TFAP4: variants seen among roughly 807,000 people sequenced by gnomAD.
TFAP4 encodes transcription factor AP-4, also known as activating enhancer-binding protein 4.
TFAP4 carries 7 observed loss-of-function variants against 40.4 expected under a neutral mutation model. That is an observed-to-expected ratio of 0.17 (90% CI 0.10 to 0.33). The LOEUF (loss-of-function observed/expected upper bound fraction) is 0.33, where lower values mean the gene tolerates loss of function less well. Ranked by LOEUF, TFAP4 falls within the 10% of genes least tolerant of loss-of-function variation. TFAP4 has a pLI of 1.00. For synonymous variants in TFAP4, 218 were observed against 181.4 expected (o/e 1.20, Z -1.62); for missense variants, 374 against 451.1 (o/e 0.83, Z 1.55).
chr16:4,260,682 G>A (rs922870769), intron 4 of TFAP4, 87 bp from the exon 5 acceptor site: 102 of 1,449,864 alleles, frequency 7.0e-5, no homozygotes, highest in Non-Finnish European at 9.2e-5. Context: ...CACTCCTGCT[G>A]AAAACCCTAG....
chr16:4,260,467 C>A lies in TFAP4; in HGVS notation c.654G>T (p.Gln218His), dbSNP rs251732. ...GCCTCCTGCTCACCTGGGTCCGCAG[C>A]TGCTGCTGTTCCCGCTCCAGCTTCT... The part of the protein sequence containing the change: ...HQEKLEREQQ[Q>H]LRTQLLPPPA... The change falls in exon 5 of 7, where the codon CAG (glutamine) becomes CAT (histidine). Residue 218 changes from glutamine (Q) to histidine (H), a missense_variant. By Grantham distance (24) the Gln-to-His change is conservative. Around this residue, in one of 6 missense-constraint regions of TFAP4, gnomAD observed 161 missense variants for 154.2 expected, o/e 1.04. Transcript: ENST00000204517. 1.7e-5 allele frequency: 27 copies of A among 1,593,258 alleles called. 1 individual carries two copies. The Admixed American group carries it at 4.2e-4, about 25-fold the overall frequency.
At chr16:4,271,701 G>A (rs1459266487) in intron 1 of TFAP4, among the ~76,000 whole-genome samples, 1 of 152,178 alleles carries the variant, frequency 6.6e-6, no homozygotes, top group Non-Finnish European at 1.5e-5. Context: ...CAGGGGGGAG[G>A]GGCGTTGGAT....
At chr16:4,269,386 G>C (rs1169645533) in intron 1 of TFAP4, among the ~76,000 whole-genome samples, 1 of 150,782 alleles carries the variant, frequency 6.6e-6, no homozygotes, top group Non-Finnish European at 1.5e-5. Flanking sequence ...CCAGCTACTC[G>C]GGAGGCTGAG....
rs80228979 is a variant in TFAP4 at position 4,271,034 on chromosome 16, A to T, written c.89+1624T>A. ...TTCTAGCAAAGTGAGTCCCCAGAAC[A>T]TAAAAAGAGCTCAAGAATTTTTTTT... On this transcript the variant is annotated intron_variant, in intron 1 of 6. Transcript: ENST00000204517. 7.5e-3 allele frequency among the ~76,000 whole-genome samples: 1,146 copies of T among 152,382 alleles called. 14 individuals are homozygous for T. Among genetic ancestry groups the T allele is most frequent in the African/African-American group, 0.026 (1,067 of 41,590 alleles).
Position 4,260,200 on chromosome 16 carries a change from G to A in TFAP4, c.712C>T (p.Pro238Ser). ...APTHHPTVIV[P>S]APPPPPSHHI... ...TGGGAGGGAGGAGGAGGCGGTGCTG[G>A]CACGATCACCGTGGGGTGGTGGGTG... The change falls in exon 6 of 7, where the codon CCA becomes TCA. Residue 238 changes from proline (P) to serine (S), a missense_variant. Around this residue, in one of 6 missense-constraint regions of TFAP4, gnomAD observed 161 missense variants for 154.2 expected, o/e 1.04. Coordinates refer to ENST00000204517, the MANE Select transcript of TFAP4 (RefSeq NM_003223.3). 1 of 655,008 alleles carries A rather than the reference G, an allele frequency of 1.5e-6. No individual in the cohort carries two copies. The allele number at this position is 655,008 out of a possible 1,614,324, so 40.6% of individuals were successfully genotyped here. A position where few individuals can be genotyped will look rare whatever the true frequency, so the allele number is the denominator to read the frequency against.
At chr16:4,272,378 T>C (rs1332131823) in intron 1 of TFAP4, among the ~76,000 whole-genome samples, 2 of 152,028 alleles carry the variant, frequency 1.3e-5, no homozygotes, top group Non-Finnish European at 2.9e-5. Flanking sequence ...CCGGGACTGC[T>C]GCAGAACCAC....
chr16:4,259,863 C>T (rs1410283486), intron 6 of TFAP4, among the ~76,000 whole-genome samples: 4 of 152,240 alleles, frequency 2.6e-5, no homozygotes, highest in Non-Finnish European at 5.9e-5. Flanking sequence ...GGACAGTCTT[C>T]CTGGCCAACT....
chr16:4,272,634 G>A, intron 1 of TFAP4, 24 bp downstream of exon 1: 1 of 1,586,760 alleles, frequency 6.3e-7, no homozygotes, highest in Non-Finnish European at 8.6e-7. Context: ...GTAGGAAGGG[G>A]GTGGGGGGAG....
In TFAP4 at chr16:4,272,518, G is replaced by C. The variant is rs2043458133; in HGVS notation, c.89+140C>G. 6 of 569,618 alleles carry C rather than the reference G, an allele frequency of 1.1e-5. No homozygotes were observed. In the South Asian group the frequency reaches 1.8e-4, roughly 17 times the overall value. 35.3% of individuals were successfully genotyped at this position (569,618 alleles called of 1,614,324 possible). A position where few individuals can be genotyped will look rare whatever the true frequency, so the allele number is the denominator to read the frequency against. ...GGGGCGGCGCGGACCCGGCGTGTGGGGCTGCAGCCGTCCCGGCAGCTAAGA... is the reference window on the plus strand; with the variant it reads ...GGGGCGGCGCGGACCCGGCGTGTGGCGCTGCAGCCGTCCCGGCAGCTAAGA... On this transcript the variant is annotated intron_variant, in intron 1 of 6. Transcript: ENST00000204517.
chr16:4,259,112 T>G (rs1423293250), intron 6 of TFAP4, among the ~76,000 whole-genome samples: 1 of 151,622 alleles, frequency 6.6e-6, no homozygotes, highest in Non-Finnish European at 1.5e-5. Context: ...AAAAAAGAAA[T>G]AATATGGACC....
At chr16:4,269,903 G>C (rs984843176) in intron 1 of TFAP4, among the ~76,000 whole-genome samples, 2 of 152,162 alleles carry the variant, frequency 1.3e-5, no homozygotes, top group Non-Finnish European at 2.9e-5. Context: ...CTCAGTGGCT[G>C]GGCGCAGTTG....
At chr16:4,270,915 G>C (rs1021611670) in intron 1 of TFAP4, among the ~76,000 whole-genome samples, 12 of 152,228 alleles carry the variant, frequency 7.9e-5, no homozygotes, top group East Asian at 1.9e-4. Flanking sequence ...ACCTGCTGTA[G>C]TGGTCCCTTC....
chr16:4,259,167 C>T (rs143299976), intron 6 of TFAP4, among the ~76,000 whole-genome samples: 21 of 152,064 alleles, frequency 1.4e-4, no homozygotes, highest in African/African-American at 4.3e-4. Flanking sequence ...AGAGTCTCAC[C>T]GTGTCACCCA....
intron 1 of TFAP4, among the ~76,000 whole-genome samples, chr16:4,271,779 G>A (rs894028350): frequency 1.3e-5 from 2 of 152,184 alleles, no homozygotes; most frequent in African/African-American, 2.4e-5. Flanking sequence ...GCGGCCTCAG[G>A]TGTCCCTTCC....
At position 4,258,617 on chromosome 16, in the gene TFAP4, T is replaced by C. The variant is rs189068470; in HGVS notation, c.823-368A>G. 405 of 168,708 alleles carry C rather than the reference T, an allele frequency of 2.4e-3. 5 individuals are homozygous for C. The highest frequency in any genetic ancestry group is 0.023 in the Admixed American group (375 of 16,526). The allele number at this position is 168,708 out of a possible 1,614,324, so 10.5% of individuals were successfully genotyped here. ...GGTAGAGACGAGGGGGTTCTTGCTA[T>C]GTTGCCCAAGCTGATCTCGAACTCC... On this transcript the variant is annotated intron_variant, in intron 6 of 6. Coordinates refer to ENST00000204517, the MANE Select transcript of TFAP4 (RefSeq NM_003223.3).
At chr16:4,269,533 C>T (rs531624851) in intron 1 of TFAP4, among the ~76,000 whole-genome samples, 10 of 146,160 alleles carry the variant, frequency 6.8e-5, no homozygotes, top group African/African-American at 1.0e-4. Flanking sequence ...ATGGAGAGTC[C>T]GGGCACGGTG....
chr16:4,257,836 C>CCGATGCTCCCACA lies in TFAP4; in HGVS notation c.*206_*218dup, dbSNP rs2052908976. ...GGGGCCGAGGCCCCGCCCTGGGGTG[C>CCGATGCTCCCACA]CGATGCTCCCACACGCTCTGCGACA... On this transcript the variant is annotated 3_prime_UTR_variant, in exon 7 of 7. Transcript: ENST00000204517. The CCGATGCTCCCACA allele has an allele frequency of 2.1e-6, 1 of 465,992 alleles. No homozygotes were observed. Among genetic ancestry groups the CCGATGCTCCCACA allele is most frequent in the South Asian group, 3.5e-5 (1 of 28,582 alleles). The allele number at this position is 465,992 out of a possible 1,614,324, so 28.9% of individuals were successfully genotyped here. A position where few individuals can be genotyped will look rare whatever the true frequency, so the allele number is the denominator to read the frequency against.
At chr16:4,272,548 C>T (rs915611907) in intron 1 of TFAP4, 110 bp downstream of exon 1, 1 of 730,616 alleles carries the variant, frequency 1.4e-6, no homozygotes, top group Non-Finnish European at 2.0e-6. Flanking sequence ...CTAAGAAAGG[C>T]TAGCGGGGTC....
At chr16:4,268,440 G>C (rs141629754) in intron 1 of TFAP4, among the ~76,000 whole-genome samples, 1 of 152,140 alleles carries the variant, frequency 6.6e-6, no homozygotes, top group Non-Finnish European at 1.5e-5. Flanking sequence ...GAGGACAGGA[G>C]TCACATCCTG....
Sources: gnomAD v4.1 joint callset for allele counts (sites outside exome capture counted in the v4.1 genomes callset) on GRCh38, gnomAD v4.1.1 for gene constraint, gnomAD v4.1.1 regional missense constraint, MANE v1.5 for transcripts, NCBI Gene and HGNC (gene_info 2026-07-23, HGNC 2026-07-21) for gene names.